The following ARHGEF18 variants were observed in gnomAD, a reference collection of about 807,000 sequenced individuals.
The protein encoded by ARHGEF18 is rho guanine nucleotide exchange factor 18.
A neutral mutation model predicts 155.7 loss-of-function variants in ARHGEF18; 93 were observed. The observed-to-expected ratio is 0.60, with a 90% CI of 0.50 to 0.71. The LOEUF (loss-of-function observed/expected upper bound fraction) is 0.71. Among genes scored for constraint, ARHGEF18 ranks in the 30% least tolerant of loss-of-function variants. The pLI is 0.00. For missense variants in ARHGEF18, 1,593 were observed against 1,816.1 expected (o/e 0.88, Z 2.23); for synonymous variants, 742 against 753.1 (o/e 0.99, Z 0.24).
At chr19:7,359,192 T>C (rs1268368711) in intron 1 of ARHGEF18, among the ~76,000 whole-genome samples, 2 of 151,842 alleles carry the variant, frequency 1.3e-5, no homozygotes, top group Non-Finnish European at 1.5e-5. Context: ...CTGGAGTCTA[T>C]AGGGGTGGGG....
chr19:7,431,402 A>G (rs542776810), intron 10 of ARHGEF18, among the ~76,000 whole-genome samples: 5 of 149,934 alleles, frequency 3.3e-5, no homozygotes, highest in Non-Finnish European at 5.9e-5. Context: ...CCATAATCCC[A>G]GCTACTCAGG....
intron 10 of ARHGEF18, among the ~76,000 whole-genome samples, chr19:7,429,869 G>A (rs927166954): frequency 4.6e-5 from 7 of 152,080 alleles, no homozygotes; most frequent in Non-Finnish European, 8.8e-5. Flanking sequence ...GAGCGCTCCC[G>A]TGCATATGCC....
At chr19:7,361,782 C>T (rs766011821) in intron 1 of ARHGEF18, among the ~76,000 whole-genome samples, 7 of 152,020 alleles carry the variant, frequency 4.6e-5, no homozygotes, top group Middle Eastern at 3.2e-3. Context: ...CACCTGAGGT[C>T]AGGAGTTCTA....
At chr19:7,350,761 G>GGGGT (rs1246543653) in intron 1 of ARHGEF18, among the ~76,000 whole-genome samples, 1 of 63,610 alleles carries the variant, frequency 1.6e-5, no homozygotes, top group Non-Finnish European at 3.1e-5. Context: ...TGAGTTTTTT[G>GGGGT]GGGTGGGTGT....
rs753753481 is a variant in ARHGEF18 at position 7,467,216 on chromosome 19, G to C, written c.3012G>C (p.Ala1004=). The change falls in exon 26 of 29, where the codon GCG becomes GCC. Residue 1004 remains alanine, a splice_region_variant and synonymous_variant. Transcript: ENST00000668164. ...CGCCTGGCCCTGGCCCTCCGCAGGC[G>C]GTAATCGCCCACCAGGACAGCTATG... ...TLSQLLLNLQ[A]VIAHQDSYVE... 1.3e-6 allele frequency: 2 copies of C among 1,584,758 alleles called. No individual in the cohort carries two copies. Among genetic ancestry groups the C allele is most frequent in the East Asian group, 4.5e-5 (2 of 44,136 alleles).
chr19:7,464,818 G>C, intron 23 of ARHGEF18, 128 bp downstream of exon 23: 1 of 1,297,270 alleles, frequency 7.7e-7, no homozygotes, highest in Non-Finnish European at 1.1e-6. Flanking sequence ...GTTTTGTGGT[G>C]AATAACAGTA....
chr19:7,476,790 G>A (rs1384237949), downstream of ARHGEF18: 1 of 173,874 alleles, frequency 5.8e-6, no homozygotes, highest in Non-Finnish European at 1.2e-5. Context: ...GGCTGGGGTA[G>A]TGTGGTTTCC....
At position 7,470,028 on chromosome 19, in the gene ARHGEF18, A is replaced by G. The variant is rs375763082; in HGVS notation, c.3912A>G (p.Pro1304=). The change falls in exon 28 of 29, where the codon CCA becomes CCG. Residue 1304 remains proline (P), a splice_region_variant and synonymous_variant. Transcript: ENST00000668164. This position sits in a 1 kb window ranked among gnomAD's most constrained non-coding sequence, Gnocchi z 5.9. ...GCAGACACAGTCCTGCGCCCCCACC[A>G]GGTGAGCCCCCACCCCCTGACATGA... is the stretch of plus-strand genomic sequence containing the variant. ...LPGRHSPAPP[P]DPGFPAPSPP... 1 of 1,612,284 alleles carries G rather than the reference A, an allele frequency of 6.2e-7. No individual in the cohort carries two copies. The highest frequency in any genetic ancestry group is 1.3e-5 in the African/African-American group (1 of 74,828).
intron 10 of ARHGEF18, among the ~76,000 whole-genome samples, chr19:7,422,601 T>C (rs1210443279): frequency 6.6e-6 from 1 of 151,844 alleles, no homozygotes; most frequent in Non-Finnish European, 1.5e-5. Context: ...CTATTGGCGA[T>C]CCCATCATCC....
intron 10 of ARHGEF18, among the ~76,000 whole-genome samples, chr19:7,412,627 A>C (rs1972755878): frequency 1.3e-5 from 2 of 151,724 alleles, no homozygotes; most frequent in South Asian, 2.1e-4. Flanking sequence ...CTGTAATCCC[A>C]GCTACTCAGG....
At chr19:7,373,114 G>T (rs1053787144) in intron 3 of ARHGEF18, 43 bp downstream of exon 3, 12 of 1,234,010 alleles carry the variant, frequency 9.7e-6, no homozygotes, top group Non-Finnish European at 1.2e-5. Context: ...TGCACCCCTG[G>T]GACAGGGAAG....
chr19:7,431,466 G>A (rs756261433), intron 10 of ARHGEF18, among the ~76,000 whole-genome samples: 2 of 136,162 alleles, frequency 1.5e-5, no homozygotes, highest in Non-Finnish European at 3.0e-5. Context: ...AGTCAAGATC[G>A]TGCCACTGCA....
At chr19:7,371,124 C>T (rs925733742) in intron 2 of ARHGEF18, among the ~76,000 whole-genome samples, 7 of 151,952 alleles carry the variant, frequency 4.6e-5, no homozygotes, top group Admixed American at 6.6e-5. Context: ...GTTGTCCAGG[C>T]GGGTCTCAAA....
At chr19:7,367,050 C>T (rs1202253175) in intron 2 of ARHGEF18, among the ~76,000 whole-genome samples, 2 of 152,128 alleles carry the variant, frequency 1.3e-5, no homozygotes, top group Non-Finnish European at 2.9e-5. Flanking sequence ...GTGTGAGCCA[C>T]GGCCCTGGCC....
At chr19:7,468,126 G>A (rs1976776078) in intron 26 of ARHGEF18, among the ~76,000 whole-genome samples, 1 of 152,026 alleles carries the variant, frequency 6.6e-6, no homozygotes, top group Non-Finnish European at 1.5e-5. Flanking sequence ...ACTTGAGCCC[G>A]GGAGAATGAG....
Position 7,382,823 on chromosome 19 carries a change from A to T in ARHGEF18, c.754A>T (p.Ser252Cys). Residue 252 changes from serine to cysteine, a missense_variant, in exon 9 of 29, where the codon AGT becomes TGT. Transcript: ENST00000668164. ...SEDGAGKNEKSDKSTSVKRRL... is the reference protein window; with the variant it reads ...SEDGAGKNEKCDKSTSVKRRL... ...GGACGGTGCTGGCAAGAACGAGAAG[A>T]GTGACAAGAGTACCAGTGTGAAGCG... The T allele has an allele frequency of 8.1e-7, 1 of 1,232,524 alleles. No homozygotes were observed. The highest frequency in any genetic ancestry group is 1.0e-6 in the Non-Finnish European group (1 of 988,080). The allele number at this position is 1,232,524 out of a possible 1,614,324, so 76.3% of individuals were successfully genotyped here.
rs1381120170 is a variant in ARHGEF18, at chr19:7,395,756, G to A, written c.967+12553G>A. Among the ~76,000 whole-genome samples the A allele has an allele frequency of 6.6e-6, 1 of 152,188 alleles. No individual in the cohort carries two copies. The highest frequency in any genetic ancestry group is 6.5e-5 in the Admixed American group (1 of 15,282). ...TCTGTGCCATGGGTTTTAGTTTCTT[G>A]TATAAGAACTCAGTTGGTGCTTTCA... On this transcript the variant is annotated intron_variant, in intron 10 of 28. Transcript: ENST00000668164. This position sits in a 1 kb window ranked among gnomAD's most constrained non-coding sequence, Gnocchi z 5.0.
intron 1 of ARHGEF18, among the ~76,000 whole-genome samples, chr19:7,350,726 G>A (rs74255762): frequency 0.021 from 3,166 of 151,364 alleles, 99 homozygotes; most frequent in African/African-American, 0.064. Context: ...CTGAGCTTTC[G>A]TTTGCTCATC....
At chr19:7,431,315 G>A (rs995965015) in intron 10 of ARHGEF18, among the ~76,000 whole-genome samples, 2 of 151,850 alleles carry the variant, frequency 1.3e-5, no homozygotes, top group African/African-American at 4.8e-5. Context: ...TCAGGCATTC[G>A]AAACCAGCCT....
Sources: gnomAD v4.1 joint callset for allele counts (sites outside exome capture counted in the v4.1 genomes callset) on GRCh38, gnomAD v4.1.1 for gene constraint, Gnocchi (gnomAD v3.1) non-coding constraint, MANE v1.5 for transcripts, NCBI Gene and HGNC (gene_info 2026-07-23, HGNC 2026-07-21) for gene names.